The following SDK1 variants were observed in gnomAD, a reference collection of about 807,000 sequenced individuals.
SDK1 encodes the protein sidekick cell adhesion molecule 1, also known as protein sidekick-1.
Under a neutral mutation model 245.5 loss-of-function variants are expected in SDK1, and 157 were observed. That is an observed-to-expected ratio of 0.64 (90% CI 0.56 to 0.73). The LOEUF is 0.73. SDK1 is among the 30% of genes least tolerant of loss of function. The probability of loss-of-function intolerance (pLI) is 0.00; values close to 1 mark genes in which losing one functional copy is unlikely to be tolerated. For missense variants in SDK1, 3,583 were observed against 3,002.3 expected (o/e 1.19, Z -4.52); for synonymous variants, 1,647 against 1,278.5 (o/e 1.29, Z -6.15).
At chr7:3,837,589 TTGGAGAGAAA>T (rs1780055395) in intron 5 of SDK1, among the ~76,000 whole-genome samples, 1 of 152,208 alleles carries the variant, frequency 6.6e-6, no homozygotes, top group African/African-American at 2.4e-5. Context: ...AACTTCCCAT[TTGGAGAGAAA>T]TGTTTCTGAA....
At chr7:3,403,191 C>T (rs1026159699) in intron 1 of SDK1, among the ~76,000 whole-genome samples, 4 of 152,134 alleles carry the variant, frequency 2.6e-5, no homozygotes, top group African/African-American at 9.7e-5. Context: ...GCCTTAGCCT[C>T]CCAAAGTGTT....
intron 1 of SDK1, among the ~76,000 whole-genome samples, chr7:3,323,505 C>T (rs1316319571): frequency 6.6e-6 from 1 of 152,140 alleles, no homozygotes; most frequent in Non-Finnish European, 1.5e-5. Flanking sequence ...TGGTCATGTT[C>T]AGTTCCTGTG....
At chr7:4,116,073 T>C (rs1783686888) in intron 25 of SDK1, among the ~76,000 whole-genome samples, 3 of 152,004 alleles carry the variant, frequency 2.0e-5, no homozygotes, top group South Asian at 2.1e-4. Context: ...CATAGACACT[T>C]GGGGGGCCCA....
At chr7:3,877,844 G>C (rs1341501393) in intron 5 of SDK1, among the ~76,000 whole-genome samples, 1 of 152,228 alleles carries the variant, frequency 6.6e-6, no homozygotes, top group Admixed American at 6.5e-5. Context: ...CCATGATATG[G>C]ATTTTCTAAA....
intron 1 of SDK1, among the ~76,000 whole-genome samples, chr7:3,573,960 C>T (rs1381437323): frequency 1.3e-5 from 2 of 152,054 alleles, no homozygotes; most frequent in South Asian, 4.2e-4. Context: ...TGAATGCTTA[C>T]TAAAGGCAGG....
rs1406424493 is a variant in SDK1, at chr7:4,265,909, G to A, written c.*525G>A. The A allele has an allele frequency of 1.0e-6, 1 of 986,198 alleles. No individual in the cohort carries two copies. Among genetic ancestry groups the A allele is most frequent in the Non-Finnish European group, 1.2e-6 (1 of 830,604 alleles). The allele number at this position is 986,198 out of a possible 1,614,324, so 61.1% of individuals were successfully genotyped here. ...TTTTTCCCTGGGCTCAGTGCGTTTT[G>A]TCCCAACTTCATCTGTTTCTGAAAT... On this transcript the variant is annotated 3_prime_UTR_variant, in exon 45 of 45. Coordinates refer to ENST00000404826, the MANE Select transcript of SDK1 (RefSeq NM_152744.4).
chr7:3,903,982 G>A (rs763643663), intron 5 of SDK1, among the ~76,000 whole-genome samples: 21 of 152,100 alleles, frequency 1.4e-4, no homozygotes, highest in Non-Finnish European at 2.4e-4. Flanking sequence ...TCCACCATGA[G>A]TGGAAGCAGC....
At chr7:3,489,393 T>C (rs980449051) in intron 1 of SDK1, among the ~76,000 whole-genome samples, 5 of 152,248 alleles carry the variant, frequency 3.3e-5, no homozygotes, top group African/African-American at 1.2e-4. Flanking sequence ...AAATAAGTAA[T>C]TGCTGCAGCG....
At chr7:3,956,373 T>A (rs558078680) in intron 7 of SDK1, among the ~76,000 whole-genome samples, 1 of 152,064 alleles carries the variant, frequency 6.6e-6, no homozygotes, top group Non-Finnish European at 1.5e-5. Context: ...TAGCTGGAAA[T>A]GGGGAGAAAC....
At chr7:3,436,757 C>A (rs991323706) in intron 1 of SDK1, among the ~76,000 whole-genome samples, 2 of 152,052 alleles carry the variant, frequency 1.3e-5, no homozygotes, top group African/African-American at 4.8e-5. Flanking sequence ...AGAACAGATT[C>A]TTTGTCCTCA....
intron 1 of SDK1, among the ~76,000 whole-genome samples, chr7:3,473,497 G>C (rs2128599284): frequency 6.6e-6 from 1 of 152,314 alleles, no homozygotes; most frequent in Non-Finnish European, 1.5e-5. Context: ...TAAACCAGTA[G>C]TTTGTGGAGC....
chr7:4,053,850 TG>T (rs1779035633), intron 19 of SDK1, among the ~76,000 whole-genome samples: 2 of 152,192 alleles, frequency 1.3e-5, no homozygotes, highest in African/African-American at 4.8e-5. Flanking sequence ...ACTCTGCCTT[TG>T]CTCTGCTTTC....
At chr7:3,754,434 A>G (rs1160084183) in intron 4 of SDK1, among the ~76,000 whole-genome samples, 1 of 152,222 alleles carries the variant, frequency 6.6e-6, no homozygotes, top group Admixed American at 6.5e-5. Context: ...TTATTGAAGC[A>G]TTAAAATGTT....
At chr7:3,361,076 C>T (rs1313815925) in intron 1 of SDK1, among the ~76,000 whole-genome samples, 1 of 152,104 alleles carries the variant, frequency 6.6e-6, no homozygotes, top group African/African-American at 2.4e-5. Flanking sequence ...ACTTTAAAAA[C>T]CGTATTGATC....
At chr7:3,466,979 TACACACAC>T (rs11269597) in intron 1 of SDK1, among the ~76,000 whole-genome samples, 3,046 of 127,560 alleles carry the variant, frequency 0.024, 30 homozygotes, top group South Asian at 0.028. Flanking sequence ...TCTCTCTCTC[TACACACAC>T]ACACACACAC....
intron 35 of SDK1, among the ~76,000 whole-genome samples, chr7:4,201,985 A>T (rs1783913448): frequency 6.6e-6 from 1 of 151,330 alleles, no homozygotes; most frequent in African/African-American, 2.4e-5. Context: ...CCACCCTTCT[A>T]CTCTTTCTCC....
At chr7:3,734,047 G>A (rs572969827) in intron 4 of SDK1, among the ~76,000 whole-genome samples, 11 of 152,306 alleles carry the variant, frequency 7.2e-5, no homozygotes, top group African/African-American at 2.6e-4. Context: ...CCCTGGCTGT[G>A]CCCTGGACCC....
rs562660219 is a variant in SDK1, at chr7:3,909,722, A to C, written c.848-41201A>C. On this transcript the variant is annotated intron_variant, in intron 5 of 44. Transcript: ENST00000404826. ...TAGGAATATTTTTTAATTTACTACA[A>C]AGAAGCTCAGGGATTAAAGAACCAT... Among the ~76,000 whole-genome samples the C allele has an allele frequency of 1.6e-3, 250 of 152,378 alleles. 2 individuals carry two copies. Among genetic ancestry groups the C allele is most frequent in the African/African-American group, 5.7e-3 (238 of 41,596 alleles).
In SDK1 at chr7:3,652,970, C is replaced by T. The variant is rs80142597; in HGVS notation, c.713+10865C>T. ...TGACTGGAAGAATAATTGCAGTGGGCAAAGAAGTGGGTGGACTGAGCACCT... is the reference window on the plus strand; with the variant it reads ...TGACTGGAAGAATAATTGCAGTGGGTAAAGAAGTGGGTGGACTGAGCACCT... On this transcript the variant is annotated intron_variant, in intron 4 of 44. Transcript: ENST00000404826. 8.3e-3 allele frequency among the ~76,000 whole-genome samples: 1,264 copies of T among 152,248 alleles called. 25 individuals are homozygous for T. Among genetic ancestry groups the T allele is most frequent in the African/African-American group, 0.029 (1,208 of 41,548 alleles).
Sources: allele counts gnomAD v4.1 joint callset (sites outside exome capture counted in the v4.1 genomes callset), GRCh38; gene constraint gnomAD v4.1.1; transcripts MANE v1.5; gene names NCBI Gene and HGNC (gene_info 2026-07-23, HGNC 2026-07-21).